The following ARHGAP10 variants were observed in gnomAD, a reference collection of about 807,000 sequenced individuals.
ARHGAP10 encodes rho GTPase-activating protein 10.
In ARHGAP10, 87 loss-of-function variants were observed where a neutral mutation model predicts 108.6. The ratio of observed to expected loss-of-function variants is 0.80; its 90% CI spans 0.67 to 0.96. The LOEUF (loss-of-function observed/expected upper bound fraction) is 0.96, where lower values mean the gene tolerates loss of function less well. ARHGAP10 is among the 40% of genes least tolerant of loss of function. ARHGAP10 has a pLI of 0.00. For missense variants in ARHGAP10, 939 were observed against 954.5 expected (o/e 0.98, Z 0.21); for synonymous variants, 347 against 341.1 (o/e 1.02, Z -0.19).
At chr4:147,887,138 T>A (rs1735602500) in intron 10 of ARHGAP10, among the ~76,000 whole-genome samples, 2 of 152,160 alleles carry the variant, frequency 1.3e-5, no homozygotes, top group African/African-American at 4.8e-5. Context: ...TGACACTGCC[T>A]TCCTTTCCTG....
At chr4:148,070,313 A>C (rs1730111187) in intron 22 of ARHGAP10, among the ~76,000 whole-genome samples, 3 of 152,188 alleles carry the variant, frequency 2.0e-5, no homozygotes, top group Admixed American at 1.3e-4. Flanking sequence ...CTGTCCAGGC[A>C]TAAAGGCAGG....
At chr4:147,940,192 C>T (rs1333190699) in intron 14 of ARHGAP10, among the ~76,000 whole-genome samples, 3 of 152,190 alleles carry the variant, frequency 2.0e-5, no homozygotes, top group African/African-American at 7.2e-5. Context: ...CTATGATTTG[C>T]GTGGCTTCCA....
intron 1 of ARHGAP10, among the ~76,000 whole-genome samples, chr4:147,764,900 A>G (rs1250401661): frequency 6.6e-6 from 1 of 152,206 alleles, no homozygotes; most frequent in Non-Finnish European, 1.5e-5. Context: ...TTTATTTTTC[A>G]GTAACATGCT....
intron 18 of ARHGAP10, among the ~76,000 whole-genome samples, chr4:147,969,735 G>GT (rs1377237785): frequency 6.6e-6 from 1 of 152,184 alleles, no homozygotes; most frequent in Non-Finnish European, 1.5e-5. Flanking sequence ...GAATTTTCCA[G>GT]TAGCGTCGGC....
At chr4:147,757,341 A>G (rs1335476693) in intron 1 of ARHGAP10, among the ~76,000 whole-genome samples, 1 of 152,060 alleles carries the variant, frequency 6.6e-6, no homozygotes, top group African/African-American at 2.4e-5. Flanking sequence ...CTACAGGCGT[A>G]TGCCGCCATG....
chr4:147,790,187 T>C (rs1195429986), intron 1 of ARHGAP10, among the ~76,000 whole-genome samples: 1 of 151,950 alleles, frequency 6.6e-6, no homozygotes, highest in African/African-American at 2.4e-5. Context: ...GCCACCTTCT[T>C]GCTGTGTCCT....
At chr4:147,999,562 C>A (rs1373636252) in intron 18 of ARHGAP10, among the ~76,000 whole-genome samples, 1 of 152,220 alleles carries the variant, frequency 6.6e-6, no homozygotes. Context: ...AGGTTAAAGG[C>A]TTGCCATTGT....
Position 147,732,349 on chromosome 4 carries a change from G to C in ARHGAP10, c.48G>C (p.Pro16=). ...TCAGCGACTGCTACCTCGACAGCCC[G>C]TGGTTCCGGGAGAGGATCCGCGCTC... ...LEFSDCYLDS[P]WFRERIRAHE... is the part of the protein sequence containing the mutation. Residue 16 remains proline, a synonymous_variant, in exon 1 of 23, where the codon CCG becomes CCC. Coordinates refer to ENST00000336498, the MANE Select transcript of ARHGAP10 (RefSeq NM_024605.4). 1 of 1,612,948 alleles carries C rather than the reference G, an allele frequency of 6.2e-7. No homozygotes were observed. The highest frequency in any genetic ancestry group is 8.5e-7 in the Non-Finnish European group (1 of 1,179,324).
At chr4:147,839,948 C>T (rs1010981177) in intron 3 of ARHGAP10, among the ~76,000 whole-genome samples, 136 of 152,186 alleles carry the variant, frequency 8.9e-4, no homozygotes, top group Non-Finnish European at 4.4e-5. Flanking sequence ...TTGTGAAGTT[C>T]TAATGGATTC....
At chr4:147,858,070 G>A (rs1390269514) in intron 5 of ARHGAP10, 1 of 152,256 alleles carries the variant, frequency 6.6e-6, no homozygotes, top group Admixed American at 6.5e-5. Flanking sequence ...TAATGCTGAG[G>A]ATTCAGGAGG....
chr4:147,864,583 TC>T, intron 5 of ARHGAP10: 1 of 320,588 alleles, frequency 3.1e-6, no homozygotes, highest in East Asian at 6.7e-5. Flanking sequence ...ACAAGCTTTT[TC>T]TGCAAAGAAA....
chr4:147,782,029 T>C (rs747862555), intron 1 of ARHGAP10, among the ~76,000 whole-genome samples: 3 of 152,220 alleles, frequency 2.0e-5, no homozygotes, highest in African/African-American at 4.8e-5. Context: ...TACCGCTTAG[T>C]ATGTCTCTTG....
chr4:147,870,674 T>A (rs1734779256), intron 7 of ARHGAP10, among the ~76,000 whole-genome samples: 1 of 151,756 alleles, frequency 6.6e-6, no homozygotes, highest in South Asian at 2.1e-4. Flanking sequence ...CCAGAAGAAA[T>A]TTGGAAATTG....
intron 3 of ARHGAP10, 23 bp downstream of exon 3, chr4:147,822,980 T>A: frequency 6.3e-7 from 1 of 1,599,634 alleles, no homozygotes; most frequent in Non-Finnish European, 8.6e-7. Flanking sequence ...GGGTGTAAAT[T>A]AATAAGTCAG....
At position 147,912,039 on chromosome 4, in the gene ARHGAP10, G is replaced by GTGTGTGTA. The variant is rs1553962354; in HGVS notation, c.1163-1034_1163-1033insGTGTGTAT. ...TGTGTGTGTGTGTGTGTGTGTGTGTGTATAGTTTTCTTTAACTGAGCTGCT... is the reference window on the plus strand; with the variant it reads ...TGTGTGTGTGTGTGTGTGTGTGTGTGTGTGTGTATATAGTTTTCTTTAACTGAGCTGCT... On this transcript the variant is annotated intron_variant, in intron 12 of 22. Coordinates refer to ENST00000336498, the MANE Select transcript of ARHGAP10 (RefSeq NM_024605.4). Among the ~76,000 whole-genome samples, 116 of 121,782 alleles carry GTGTGTGTA rather than the reference G, an allele frequency of 9.5e-4. No homozygotes were observed. In the East Asian group the frequency reaches 0.01, roughly 11 times the overall value. The allele number at this position is 121,782 out of a possible 152,430, so 79.9% of individuals were successfully genotyped here. A position where few individuals can be genotyped will look rare whatever the true frequency, so the allele number is the denominator to read the frequency against.
chr4:147,912,728 A>C (rs536600072), intron 12 of ARHGAP10, among the ~76,000 whole-genome samples: 1 of 123,420 alleles, frequency 8.1e-6, no homozygotes, highest in African/African-American at 3.2e-5. Flanking sequence ...AACTCACTGC[A>C]GCCTCTACCT....
Position 147,755,329 on chromosome 4 carries a change from T to C in ARHGAP10, c.154+22874T>C, listed in dbSNP as rs1729323203. Reference sequence around the variant, plus strand: ...GTCTGGGCGTTCTGTGTTCATGGCATTTCTTCCCAGTTAATTCATTCTAGA... The same window carrying C: ...GTCTGGGCGTTCTGTGTTCATGGCACTTCTTCCCAGTTAATTCATTCTAGA... On this transcript the variant is annotated intron_variant, in intron 1 of 22. Coordinates refer to ENST00000336498, the MANE Select transcript of ARHGAP10 (RefSeq NM_024605.4). Among the ~76,000 whole-genome samples, 5 of 152,188 alleles carry C rather than the reference T, an allele frequency of 3.3e-5. No individual in the cohort carries two copies. The South Asian group carries it at 1.0e-3, about 31-fold the overall frequency.
At chr4:147,912,199 T>C (rs1026587954) in intron 12 of ARHGAP10, among the ~76,000 whole-genome samples, 1 of 152,108 alleles carries the variant, frequency 6.6e-6, no homozygotes, top group East Asian at 1.9e-4. Flanking sequence ...CAAATATGTA[T>C]ACTATTGGTA....
chr4:147,783,105 A>T (rs1730621264), intron 1 of ARHGAP10, among the ~76,000 whole-genome samples: 1 of 143,320 alleles, frequency 7.0e-6, no homozygotes, highest in South Asian at 2.1e-4. Context: ...TATGTAAATT[A>T]TATGTTAAAT....
Sources: gnomAD v4.1 joint callset for allele counts (sites outside exome capture counted in the v4.1 genomes callset) on GRCh38, gnomAD v4.1.1 for gene constraint, MANE v1.5 for transcripts, NCBI Gene and HGNC (gene_info 2026-07-23, HGNC 2026-07-21) for gene names.